Variants in SRRM4 observed in about 807,000 individuals in gnomAD.
SRRM4 encodes the protein serine/arginine repetitive matrix 4.
Under a neutral mutation model 68.9 loss-of-function variants are expected in SRRM4, and 33 were observed. The observed-to-expected ratio is 0.48, with a 90% CI of 0.36 to 0.64. SRRM4 has a LOEUF of 0.64. SRRM4 is among the 30% of genes least tolerant of loss of function. The probability of loss-of-function intolerance (pLI) is 0.00; values close to 1 mark genes in which losing one functional copy is unlikely to be tolerated. For synonymous variants in SRRM4, 318 were observed against 318.8 expected, an observed-to-expected ratio of 1.00 and a Z score of 0.03; for missense variants, 817 against 827.1, an observed-to-expected ratio of 0.99 and a Z score of 0.15.
At chr12:119,005,554 T>A (rs2135995164) in intron 1 of SRRM4, among the ~76,000 whole-genome samples, 1 of 152,226 alleles carries the variant, frequency 6.6e-6, no homozygotes, top group East Asian at 1.9e-4. Context: ...GGGAGGTGTA[T>A]ATTTACATCT....
rs143328279 is a variant in SRRM4, at chr12:119,052,181, A to G, written c.132-50055A>G. Among the ~76,000 whole-genome samples, 749 of 152,284 alleles carry G rather than the reference A, an allele frequency of 4.9e-3. 4 individuals are homozygous for G. Among genetic ancestry groups the G allele is most frequent in the African/African-American group, 0.017 (710 of 41,576 alleles). On this transcript the variant is annotated intron_variant, in intron 1 of 12. Coordinates refer to ENST00000267260, the MANE Select transcript of SRRM4 (RefSeq NM_194286.4). ...ATGCCACACTCCCAAGGGGAATTAC[A>G]TCACCTGCTGTGTTTAGAATAATCA...
intron 1 of SRRM4, among the ~76,000 whole-genome samples, chr12:119,036,266 C>T (rs1953626419): frequency 6.6e-6 from 1 of 152,154 alleles, no homozygotes; most frequent in African/African-American, 2.4e-5. Flanking sequence ...CTCCGCTTTG[C>T]TTTCCAAAGA....
At chr12:119,125,266 G>A (rs1954249623) in intron 6 of SRRM4, 115 bp from the exon 7 acceptor site, 2 of 899,074 alleles carry the variant, frequency 2.2e-6, no homozygotes, top group East Asian at 2.8e-5. Flanking sequence ...AGAACTTCGG[G>A]AGGGATGGTG....
At chr12:119,129,316 G>A (rs942232945) in intron 7 of SRRM4, among the ~76,000 whole-genome samples, 7 of 152,336 alleles carry the variant, frequency 4.6e-5, no homozygotes, top group Non-Finnish European at 7.3e-5. Context: ...GATATGCAGA[G>A]TCTAAGCATG....
intron 1 of SRRM4, among the ~76,000 whole-genome samples, chr12:119,043,161 T>G (rs1953680570): frequency 6.6e-6 from 1 of 152,224 alleles, no homozygotes; most frequent in African/African-American, 2.4e-5. Context: ...AATGATAGAC[T>G]GGATAAAGCA....
chr12:119,149,530 A>T (rs1954425744), intron 9 of SRRM4, among the ~76,000 whole-genome samples: 2 of 152,186 alleles, frequency 1.3e-5, no homozygotes, highest in South Asian at 4.1e-4. Flanking sequence ...CAAAACATAG[A>T]ACTAAGGTCT....
intron 9 of SRRM4, among the ~76,000 whole-genome samples, chr12:119,149,351 T>C (rs1422991477): frequency 1.3e-5 from 2 of 151,902 alleles, no homozygotes; most frequent in Non-Finnish European, 2.9e-5. Context: ...TCTCAAAAAA[T>C]AAATAAATAA....
At chr12:118,997,699 AG>A (rs1953357871) in intron 1 of SRRM4, among the ~76,000 whole-genome samples, 1 of 152,240 alleles carries the variant, frequency 6.6e-6, no homozygotes, top group Non-Finnish European at 1.5e-5. Flanking sequence ...ATGGTAAAAA[AG>A]AACAGGGGAA....
chr12:119,022,596 G>A (rs1953523106), intron 1 of SRRM4, among the ~76,000 whole-genome samples: 1 of 152,188 alleles, frequency 6.6e-6, no homozygotes, highest in African/African-American at 2.4e-5. Flanking sequence ...ATGTACCCTG[G>A]AGCTGAGTTT....
At chr12:119,068,935 T>C (rs1254551282) in intron 1 of SRRM4, among the ~76,000 whole-genome samples, 2 of 152,084 alleles carry the variant, frequency 1.3e-5, no homozygotes, top group Non-Finnish European at 2.9e-5. Flanking sequence ...CTCATTCTTA[T>C]TTTAAACCCA....
intron 7 of SRRM4, among the ~76,000 whole-genome samples, chr12:119,129,178 A>G (rs1231755280): frequency 6.6e-6 from 1 of 152,214 alleles, no homozygotes; most frequent in East Asian, 1.9e-4. Flanking sequence ...ATGGGAAAGT[A>G]ATACCTTGCC....
intron 1 of SRRM4, among the ~76,000 whole-genome samples, chr12:118,982,360 G>C (rs1188673648): frequency 6.6e-6 from 1 of 152,132 alleles, no homozygotes; most frequent in Non-Finnish European, 1.5e-5. Flanking sequence ...AAGGAATGGT[G>C]GATTTGAGAT....
chr12:119,129,591 A>T (rs1954281323), intron 7 of SRRM4, among the ~76,000 whole-genome samples: 1 of 152,266 alleles, frequency 6.6e-6, no homozygotes, highest in Admixed American at 6.5e-5. Context: ...ACATAGTCAC[A>T]TGACAGACAA....
rs1409483280 is a variant in SRRM4, at chr12:119,162,367, T to C, written c.*5569T>C. 1 of 152,228 alleles carries C rather than the reference T, an allele frequency of 6.6e-6. No homozygotes were observed. Among genetic ancestry groups the C allele is most frequent in the Non-Finnish European group, 1.5e-5 (1 of 68,030 alleles). The allele number at this position is 152,228 out of a possible 1,614,324, so 9.4% of individuals were successfully genotyped here. A position where few individuals can be genotyped will look rare whatever the true frequency, so the allele number is the denominator to read the frequency against. On this transcript the variant is annotated 3_prime_UTR_variant, in exon 13 of 13. Transcript: ENST00000267260. ...AGTTTGAACTTCTCTCTAAGCCCCG[T>C]GGTCCAAAGTCATCACGGGAGAGAC...
At chr12:119,142,690 G>A (rs74580352) in intron 8 of SRRM4, among the ~76,000 whole-genome samples, 2,140 of 152,212 alleles carry the variant, frequency 0.014, 17 homozygotes, top group Non-Finnish European at 0.021. Context: ...CTCCAGGATG[G>A]GCTTGTTGGA....
Position 118,981,790 on chromosome 12 carries a change from A to T in SRRM4, c.-93A>T. Reference sequence around the variant, plus strand: ...CCACCCCTCTCTGGGTTTCACCCGGACAGAGCCGGGAGCTGGGTGTCGCCC... The same window carrying T: ...CCACCCCTCTCTGGGTTTCACCCGGTCAGAGCCGGGAGCTGGGTGTCGCCC... On this transcript the variant is annotated 5_prime_UTR_variant, in exon 1 of 13. Coordinates refer to ENST00000267260, the MANE Select transcript of SRRM4 (RefSeq NM_194286.4). 4 of 1,385,392 alleles carry T rather than the reference A, an allele frequency of 2.9e-6. No homozygotes were observed. Among genetic ancestry groups the T allele is most frequent in the Non-Finnish European group, 3.9e-6 (4 of 1,034,258 alleles). The allele number at this position is 1,385,392 out of a possible 1,614,324, so 85.8% of individuals were successfully genotyped here. A position where few individuals can be genotyped will look rare whatever the true frequency, so the allele number is the denominator to read the frequency against.
chr12:119,020,961 A>T (rs1594030270), intron 1 of SRRM4, among the ~76,000 whole-genome samples: 1 of 152,266 alleles, frequency 6.6e-6, no homozygotes, highest in Non-Finnish European at 1.5e-5. Flanking sequence ...AGGCAGCGGG[A>T]AAGTGATTCC....
intron 1 of SRRM4, among the ~76,000 whole-genome samples, chr12:119,084,437 A>G (rs1432317830): frequency 6.6e-6 from 1 of 152,214 alleles, no homozygotes; most frequent in Non-Finnish European, 1.5e-5. Flanking sequence ...GTACCTGCCT[A>G]TCTTGAAGAA....
At chr12:118,997,774 G>A (rs924527829) in intron 1 of SRRM4, among the ~76,000 whole-genome samples, 3 of 152,132 alleles carry the variant, frequency 2.0e-5, no homozygotes, top group Non-Finnish European at 4.4e-5. Context: ...CATTGCACAC[G>A]CAACATCTCC....
Sources: gnomAD v4.1 joint callset for allele counts (sites outside exome capture counted in the v4.1 genomes callset) on GRCh38, gnomAD v4.1.1 for gene constraint, MANE v1.5 for transcripts, NCBI Gene and HGNC (gene_info 2026-07-23, HGNC 2026-07-21) for gene names.